Variants in KHDRBS3 observed in about 807,000 individuals in gnomAD.
KHDRBS3 encodes KH domain-containing, RNA-binding, signal transduction-associated protein 3.
A neutral mutation model predicts 45.6 loss-of-function variants in KHDRBS3; 23 were observed. The ratio of observed to expected loss-of-function variants is 0.50; its 90% confidence interval spans 0.36 to 0.72. The LOEUF (loss-of-function observed/expected upper bound fraction) is 0.72. KHDRBS3 is among the 30% of genes least tolerant of loss of function. The pLI, the probability that KHDRBS3 is intolerant of heterozygous loss-of-function variation, is 0.00. For synonymous variants in KHDRBS3, 162 were observed against 156.5 expected (o/e 1.04, Z -0.26); for missense variants, 352 against 424.8 (o/e 0.83, Z 1.51).
chr8:135,622,285 TAAAAC>T (rs1830179415), intron 7 of KHDRBS3, among the ~76,000 whole-genome samples: 1 of 152,194 alleles, frequency 6.6e-6, no homozygotes, highest in Non-Finnish European at 1.5e-5. Flanking sequence ...TCAGTAATGT[TAAAAC>T]AAAGTAGGTA....
At chr8:135,540,310 A>G (rs1335010914) in intron 2 of KHDRBS3, 1 of 152,206 alleles carries the variant, frequency 6.6e-6, no homozygotes, top group African/African-American at 2.4e-5. Flanking sequence ...TCAACCAGAA[A>G]CATGTTCATT....
At chr8:135,639,625 G>A (rs1830973687) in intron 7 of KHDRBS3, among the ~76,000 whole-genome samples, 1 of 152,164 alleles carries the variant, frequency 6.6e-6, no homozygotes, top group South Asian at 2.1e-4. Flanking sequence ...CCGTAAAGAA[G>A]TACCTGGGGC....
chr8:135,569,231 G>A (rs1210310436), intron 5 of KHDRBS3, among the ~76,000 whole-genome samples: 1 of 152,074 alleles, frequency 6.6e-6, no homozygotes, highest in Non-Finnish European at 1.5e-5. Flanking sequence ...ATATAATGCA[G>A]TACTTAAGAA....
At chr8:135,539,573 A>G (rs1026894044) in intron 2 of KHDRBS3, 1 of 152,250 alleles carries the variant, frequency 6.6e-6, no homozygotes, top group Non-Finnish European at 1.5e-5. Context: ...CTAATTTGGC[A>G]TCAAGTATAC....
At chr8:135,550,963 TG>T (rs1024173104) in intron 4 of KHDRBS3, among the ~76,000 whole-genome samples, 4 of 152,216 alleles carry the variant, frequency 2.6e-5, no homozygotes, top group Admixed American at 6.5e-5. Flanking sequence ...AAAATTGATT[TG>T]TAAATATTGT....
downstream of KHDRBS3, among the ~76,000 whole-genome samples, chr8:135,650,625 A>G (rs1831410162): frequency 6.6e-6 from 1 of 152,188 alleles, no homozygotes. Flanking sequence ...ATTGACTTCA[A>G]TCCAGAGTCT....
At chr8:135,631,046 C>T (rs552765366) in intron 7 of KHDRBS3, among the ~76,000 whole-genome samples, 6 of 152,048 alleles carry the variant, frequency 3.9e-5, no homozygotes, top group South Asian at 4.2e-4. Context: ...GTCAGGAGTT[C>T]GAGACCAGTC....
chr8:135,551,783 G>A (rs752606161), intron 4 of KHDRBS3, among the ~76,000 whole-genome samples: 11 of 152,050 alleles, frequency 7.2e-5, no homozygotes, highest in Non-Finnish European at 1.6e-4. Flanking sequence ...TGTGGATAGA[G>A]CTGCCATATG....
chr8:135,514,694 G>T (rs73712053), intron 1 of KHDRBS3, among the ~76,000 whole-genome samples: 3,520 of 152,064 alleles, frequency 0.023, 128 homozygotes, highest in African/African-American at 0.076. Flanking sequence ...AAATTTTATG[G>T]TTTTTTTTAA....
intron 7 of KHDRBS3, among the ~76,000 whole-genome samples, chr8:135,619,053 A>G (rs1166076999): frequency 1.3e-5 from 2 of 152,224 alleles, no homozygotes; most frequent in Non-Finnish European, 2.9e-5. Context: ...CTTGGAGCAC[A>G]CTGCAAGTGT....
At chr8:135,644,919 T>C (rs1831218410) in intron 7 of KHDRBS3, 140 bp from the exon 8 acceptor site, 1 of 825,792 alleles carries the variant, frequency 1.2e-6, no homozygotes, top group Non-Finnish European at 1.9e-6. Context: ...TTTAGAACTC[T>C]GTGATCTCGG....
At chr8:135,551,855 G>A (rs568535882) in intron 4 of KHDRBS3, among the ~76,000 whole-genome samples, 2 of 152,142 alleles carry the variant, frequency 1.3e-5, no homozygotes, top group East Asian at 1.9e-4. Flanking sequence ...AGGTCTGCTA[G>A]CAAAAAGTCT....
chr8:135,518,088 C>A (rs767074533), intron 1 of KHDRBS3, among the ~76,000 whole-genome samples: 1 of 152,106 alleles, frequency 6.6e-6, no homozygotes, highest in South Asian at 2.1e-4. Flanking sequence ...CAAGGGAAAA[C>A]GTGTGGAATT....
At chr8:135,599,291 A>G (rs187356355) in intron 6 of KHDRBS3, among the ~76,000 whole-genome samples, 8 of 152,374 alleles carry the variant, frequency 5.3e-5, no homozygotes, top group Admixed American at 2.0e-4. Flanking sequence ...TGAGGCAAAC[A>G]TTATTTATGT....
chr8:135,588,404 T>G (rs1828585039), intron 6 of KHDRBS3, among the ~76,000 whole-genome samples: 1 of 152,090 alleles, frequency 6.6e-6, no homozygotes, highest in Non-Finnish European at 1.5e-5. Context: ...CTGCAGGCGC[T>G]CCAAACCCCT....
intron 1 of KHDRBS3, among the ~76,000 whole-genome samples, chr8:135,469,378 A>G (rs1019878846): frequency 6.6e-5 from 10 of 151,960 alleles, no homozygotes; most frequent in African/African-American, 1.9e-4. Context: ...TCCGCCTCCC[A>G]GGTTCACGCC....
At position 135,479,970 on chromosome 8, in the gene KHDRBS3, A is replaced by G. The variant is rs376878131; in HGVS notation, c.88+22016A>G. ...AAATGGAGGATTATGCACCATGACCATGTGGGATTTATCCTAGGAATGCAA... is the reference window on the plus strand; with the variant it reads ...AAATGGAGGATTATGCACCATGACCGTGTGGGATTTATCCTAGGAATGCAA... On this transcript the variant is annotated intron_variant, in intron 1 of 8. Coordinates refer to ENST00000355849, the MANE Select transcript of KHDRBS3 (RefSeq NM_006558.3). Among the ~76,000 whole-genome samples, 8 of 152,316 alleles carry G rather than the reference A, an allele frequency of 5.3e-5. No homozygotes were observed. In the East Asian group the frequency reaches 9.6e-4, roughly 18 times the overall value.
At chr8:135,616,962 T>C (rs567403082) in intron 7 of KHDRBS3, among the ~76,000 whole-genome samples, 1 of 152,080 alleles carries the variant, frequency 6.6e-6, no homozygotes, top group Non-Finnish European at 1.5e-5. Context: ...TAAAATGAGG[T>C]AGCATTATTG....
rs558514403 is a variant in KHDRBS3 at position 135,495,106 on chromosome 8, G to A, written c.89-26131G>A. Among the ~76,000 whole-genome samples the A allele has an allele frequency of 4.8e-4, 73 of 152,296 alleles. No individual in the cohort carries two copies. The South Asian group carries it at 0.015, about 31-fold the overall frequency. On this transcript the variant is annotated intron_variant, in intron 1 of 8. Transcript: ENST00000355849. ...TTGGAGAATGAGTGTTTTCTCCCAGGTGTTTTAAACTATTACAGGAGCCCA... is the reference window on the plus strand; with the variant it reads ...TTGGAGAATGAGTGTTTTCTCCCAGATGTTTTAAACTATTACAGGAGCCCA...
Sources: allele counts gnomAD v4.1 joint callset (sites outside exome capture counted in the v4.1 genomes callset), GRCh38; gene constraint gnomAD v4.1.1; transcripts MANE v1.5; gene names NCBI Gene and HGNC (gene_info 2026-07-23, HGNC 2026-07-21).